KIAA1671: variants seen among roughly 807,000 people sequenced by gnomAD.
KIAA1671 encodes the protein uncharacterized protein KIAA1671.
KIAA1671 carries 52 observed loss-of-function variants against 131.2 expected under a neutral mutation model. The ratio of observed to expected loss-of-function variants is 0.40; its 90% confidence interval spans 0.32 to 0.50. The LOEUF (loss-of-function observed/expected upper bound fraction) is 0.50, where lower values mean the gene tolerates loss of function less well. Ranked by LOEUF, KIAA1671 falls within the 20% of genes least tolerant of loss-of-function variation. KIAA1671 has a pLI of 0.73. For missense variants in KIAA1671, 2,360 were observed against 2,364.2 expected, an observed-to-expected ratio of 1.00 and a Z score of 0.04; for synonymous variants, 1,003 against 961.6, an observed-to-expected ratio of 1.04 and a Z score of -0.80.
At chr22:25,109,659 T>G (rs890535649) in intron 6 of KIAA1671, among the ~76,000 whole-genome samples, 1 of 152,230 alleles carries the variant, frequency 6.6e-6, no homozygotes, top group African/African-American at 2.4e-5. Flanking sequence ...CATTAGTTGA[T>G]TCCTGTGAAT....
chr22:25,181,940 G>A (rs1472877239), intron 10 of KIAA1671, 117 bp downstream of exon 10: 18 of 1,110,718 alleles, frequency 1.6e-5, no homozygotes, highest in Middle Eastern at 3.1e-4. Context: ...CACTTTGGGA[G>A]GCCGAGTTGG....
At chr22:24,994,570 C>T (rs940966771) in intron 1 of KIAA1671, among the ~76,000 whole-genome samples, 2 of 152,082 alleles carry the variant, frequency 1.3e-5, no homozygotes, top group South Asian at 2.1e-4. Context: ...TCCCAGGCAC[C>T]CTGTGGTGCC....
chr22:24,985,930 G>T (rs1429382199), intron 1 of KIAA1671, among the ~76,000 whole-genome samples: 2 of 152,084 alleles, frequency 1.3e-5, no homozygotes, highest in African/African-American at 4.8e-5. Flanking sequence ...CCTTCGGGAG[G>T]AAGCTGAGTC....
rs866531061 is a variant in KIAA1671 at position 25,028,498 on chromosome 22, G to A, written c.499G>A (p.Ala167Thr). ...GKAVSEGAEEAKLGVSGSRPE... is the reference protein window; with the variant it reads ...GKAVSEGAEETKLGVSGSRPE... The stretch of plus-strand genomic sequence containing the variant: ...GGCGGTTAGTGAGGGGGCGGAGGAG[G>A]CCAAGCTAGGTGTGTCCGGCTCCCG... The change falls in exon 3 of 13, where the codon GCC (alanine) becomes ACC (threonine). Residue 167 changes from alanine (A) to threonine (T), a missense_variant. Physicochemically the swap from Ala to Thr is moderately conservative, Grantham distance 58 (BLOSUM62 0). Transcript: ENST00000358431. The A allele has an allele frequency of 8.4e-6, 13 of 1,549,264 alleles. No homozygotes were observed. In the East Asian group the frequency reaches 2.9e-4, roughly 35 times the overall value.
At chr22:24,957,013 A>G (rs1921746782) in intron 1 of KIAA1671, among the ~76,000 whole-genome samples, 2 of 152,316 alleles carry the variant, frequency 1.3e-5, no homozygotes, top group South Asian at 4.1e-4. Flanking sequence ...AAAAGGGCTC[A>G]TGATAGGATA....
chr22:25,163,476 C>G (rs1207269680), intron 6 of KIAA1671, among the ~76,000 whole-genome samples: 2 of 125,654 alleles, frequency 1.6e-5, no homozygotes, highest in Admixed American at 1.9e-4. Flanking sequence ...GAGTCTCACA[C>G]TGTCACCCAG....
chr22:24,976,498 G>GGTCT (rs1323072259), intron 1 of KIAA1671, among the ~76,000 whole-genome samples: 1 of 152,202 alleles, frequency 6.6e-6, no homozygotes, highest in Non-Finnish European at 1.5e-5. Flanking sequence ...GCAGCATGGG[G>GGTCT]GTCTGTCCAT....
intron 6 of KIAA1671, among the ~76,000 whole-genome samples, chr22:25,168,315 G>A (rs943762325): frequency 1.3e-5 from 2 of 152,182 alleles, no homozygotes; most frequent in African/African-American, 2.4e-5. Flanking sequence ...CCAGTTCCCC[G>A]GTGCCTAGCA....
intron 11 of KIAA1671, among the ~76,000 whole-genome samples, chr22:25,188,450 GTGTGTGTGTGT>G (rs1568999471): frequency 3.4e-4 from 7 of 20,750 alleles, no homozygotes; most frequent in African/African-American, 2.2e-3. Context: ...CCAATCGGGT[GTGTGTGTGTGT>G]GTGTGTGTGT....
intron 6 of KIAA1671, among the ~76,000 whole-genome samples, chr22:25,137,982 T>C (rs1258376091): frequency 6.6e-6 from 1 of 152,242 alleles, no homozygotes; most frequent in African/African-American, 2.4e-5. Flanking sequence ...AGTGAATGGC[T>C]GTCCTGCAGT....
intron 10 of KIAA1671, among the ~76,000 whole-genome samples, chr22:25,183,120 A>G (rs5760896): frequency 6.6e-6 from 1 of 152,200 alleles, no homozygotes; most frequent in East Asian, 1.9e-4. Context: ...TGCTCCAGCA[A>G]CCTTGCAAAA....
At chr22:25,093,735 A>ACTCTCTCTCTCT (rs1930158949) in intron 6 of KIAA1671, among the ~76,000 whole-genome samples, 1 of 27,802 alleles carries the variant, frequency 3.6e-5, no homozygotes, top group Non-Finnish European at 6.5e-5. Flanking sequence ...ACACACACAC[A>ACTCTCTCTCTCT]CACTCTCTCT....
At chr22:25,007,934 G>A (rs1299890538) in intron 1 of KIAA1671, among the ~76,000 whole-genome samples, 5 of 151,988 alleles carry the variant, frequency 3.3e-5, no homozygotes, top group East Asian at 1.9e-4. Context: ...GGTGGCTCAC[G>A]TCTGTAATCC....
At chr22:25,150,993 C>T (rs367825505) in intron 6 of KIAA1671, among the ~76,000 whole-genome samples, 15 of 151,958 alleles carry the variant, frequency 9.9e-5, no homozygotes, top group Admixed American at 4.6e-4. Flanking sequence ...CCTCCACGCC[C>T]GGCTAATTTT....
chr22:25,139,411 C>G (rs1568975858), intron 6 of KIAA1671, among the ~76,000 whole-genome samples: 1 of 152,234 alleles, frequency 6.6e-6, no homozygotes, highest in Admixed American at 6.5e-5. Context: ...CAGACTTGGC[C>G]TTGAATCTGG....
intron 6 of KIAA1671, among the ~76,000 whole-genome samples, chr22:25,107,469 CTTTTTT>C (rs765558092): frequency 5.8e-5 from 4 of 68,512 alleles, no homozygotes; most frequent in Non-Finnish European, 9.9e-5. Flanking sequence ...ATCCATGGCA[CTTTTTT>C]TTTTTTTTTT....
At position 25,039,109 on chromosome 22, in the gene KIAA1671, G is replaced by A; in HGVS notation, c.1979G>A (p.Arg660Lys). The A allele has an allele frequency of 6.4e-7, 1 of 1,551,532 alleles. No individual in the cohort carries two copies. Among genetic ancestry groups the A allele is most frequent in the South Asian group, 1.2e-5 (1 of 84,066 alleles). Residue 660 changes from arginine to lysine, a missense_variant, in exon 5 of 13, where the codon AGG (arginine) becomes AAG (lysine). This residue lies in a region of KIAA1671 where 1,185 missense variants were observed against 1,126.2 expected (regional missense o/e 1.05). Transcript: ENST00000358431. The part of the protein sequence containing the change: ...PRPEMGSWLG[R>K]DPPDMTKLKK... ...CCTGAGATGGGCTCTTGGCTGGGCA[G>A]GGACCCACCAGACATGACAAAACTG... is the stretch of plus-strand genomic sequence containing the variant.
rs564160242 is a variant in KIAA1671 at position 25,195,597 on chromosome 22, A to G, written c.*3196A>G. ...GGTATCACCAAGAAGCCAAAAGAGA[A>G]ATAGGCATGAGCCTGTGGTTTTAAA... On this transcript the variant is annotated 3_prime_UTR_variant, in exon 13 of 13. Transcript: ENST00000358431. 1.3e-5 allele frequency: 2 copies of G among 152,320 alleles called. No individual in the cohort carries two copies. Among genetic ancestry groups the G allele is most frequent in the South Asian group, 4.1e-4 (2 of 4,824 alleles). 9.4% of individuals were successfully genotyped at this position (152,320 alleles called of 1,614,324 possible).
At chr22:25,144,116 CAT>C (rs979801990) in intron 6 of KIAA1671, among the ~76,000 whole-genome samples, 8 of 152,230 alleles carry the variant, frequency 5.3e-5, no homozygotes, top group Admixed American at 3.3e-4. Flanking sequence ...GTAAGAAACA[CAT>C]GTGTTCTCAC....
Sources: gnomAD v4.1 joint callset for allele counts (sites outside exome capture counted in the v4.1 genomes callset) on GRCh38, gnomAD v4.1.1 for gene constraint, gnomAD v4.1.1 regional missense constraint, MANE v1.5 for transcripts, NCBI Gene and HGNC (gene_info 2026-07-23, HGNC 2026-07-21) for gene names.